UBE2O: variants seen among roughly 807,000 people sequenced by gnomAD.
The protein encoded by UBE2O is ubiquitin conjugating enzyme E2 O.
In UBE2O, 15 loss-of-function variants were observed where a neutral mutation model predicts 125.8. The observed-to-expected ratio is 0.12, with a 90% confidence interval of 0.08 to 0.18. UBE2O has a LOEUF of 0.18. Among genes scored for constraint, UBE2O ranks in the 10% least tolerant of loss-of-function variants. The pLI is 1.00. For missense variants in UBE2O, 1,280 were observed against 1,723.6 expected, an observed-to-expected ratio of 0.74 and a Z score of 4.56; for synonymous variants, 708 against 703.2, an observed-to-expected ratio of 1.01 and a Z score of -0.11.
chr17:76,421,799 C>T (rs1292575708), intron 1 of UBE2O, among the ~76,000 whole-genome samples: 2 of 152,210 alleles, frequency 1.3e-5, no homozygotes, highest in Admixed American at 6.5e-5. Flanking sequence ...GTAAATGCCA[C>T]GTGCTTCCCA....
chr17:76,426,791 G>A (rs2143829575), intron 1 of UBE2O, among the ~76,000 whole-genome samples: 1 of 152,250 alleles, frequency 6.6e-6, no homozygotes, highest in Non-Finnish European at 1.5e-5. Flanking sequence ...TTTCAGAAGC[G>A]AATGCTTATT....
At chr17:76,434,204 T>A (rs570964978) in intron 1 of UBE2O, among the ~76,000 whole-genome samples, 1 of 152,146 alleles carries the variant, frequency 6.6e-6, no homozygotes, top group African/African-American at 2.4e-5. Flanking sequence ...CCTTCCAGTC[T>A]TACCACTATA....
At position 76,402,779 on chromosome 17, in the gene UBE2O, C is replaced by CTGTCTTCGGTGGG; in HGVS notation, c.589-81_589-80insCCCACCGAAGACA. 1 of 1,209,288 alleles carries CTGTCTTCGGTGGG rather than the reference C, an allele frequency of 8.3e-7. No homozygotes were observed. The highest frequency in any genetic ancestry group is 1.2e-6 in the Non-Finnish European group (1 of 814,916). The allele number at this position is 1,209,288 out of a possible 1,614,324, so 74.9% of individuals were successfully genotyped here. On this transcript the variant is annotated intron_variant, in intron 3 of 17. Transcript: ENST00000319380. The surrounding 1 kb of genome is among the most constrained non-coding windows in gnomAD (Gnocchi z 5.4). ...GGGCACAGATTCCTCTATGCCCCAC[C>CTGTCTTCGGTGGG]GAAGACAGGATGGGGGAGGATCTAG... is the stretch of plus-strand genomic sequence containing the variant.
chr17:76,436,750 CCTT>C (rs1482118608), intron 1 of UBE2O, among the ~76,000 whole-genome samples: 2 of 152,170 alleles, frequency 1.3e-5, no homozygotes, highest in Non-Finnish European at 2.9e-5. Context: ...CTAGCACCCT[CCTT>C]CTGAACAAAA....
At position 76,400,374 on chromosome 17, in the gene UBE2O, T is replaced by C. The variant is rs1019883246; in HGVS notation, c.1004+67A>G. On this transcript the variant is annotated intron_variant, in intron 7 of 17. Transcript: ENST00000319380. The surrounding 1 kb of genome is among the most constrained non-coding windows in gnomAD (Gnocchi z 4.3). The stretch of plus-strand genomic sequence containing the variant: ...CAGTGTTCTTAAGCCTCCCCAGGCA[T>C]GTGACCAGGGCCCAGAGCCCTGTCC... 4 of 1,594,032 alleles carry C rather than the reference T, an allele frequency of 2.5e-6. No individual in the cohort carries two copies. Among genetic ancestry groups the C allele is most frequent in the East Asian group, 4.5e-5 (2 of 44,526 alleles).
At chr17:76,407,037 C>T (rs139605465) in intron 1 of UBE2O, among the ~76,000 whole-genome samples, 49 of 152,238 alleles carry the variant, frequency 3.2e-4, no homozygotes, top group African/African-American at 1.1e-3. Flanking sequence ...AGTCCTTAAA[C>T]GCAGGGTTCT....
rs2143651436 is a variant in UBE2O, at chr17:76,390,248, C to G, written c.*695G>C. On this transcript the variant is annotated 3_prime_UTR_variant, in exon 18 of 18. Transcript: ENST00000319380. ...GCTTTCCCTGCAGCTCCCTGGTCCTCAACTCCATGTGCATGTGTGAAGGCC... is the reference window on the plus strand; with the variant it reads ...GCTTTCCCTGCAGCTCCCTGGTCCTGAACTCCATGTGCATGTGTGAAGGCC... The G allele has an allele frequency of 6.5e-6, 1 of 153,060 alleles. No homozygotes were observed. The highest frequency in any genetic ancestry group is 2.1e-4 in the South Asian group (1 of 4,828). 9.5% of individuals were successfully genotyped at this position (153,060 alleles called of 1,614,324 possible). A position where few individuals can be genotyped will look rare whatever the true frequency, so the allele number is the denominator to read the frequency against.
chr17:76,391,030 A>G lies in UBE2O; in HGVS notation c.3792T>C (p.Gly1264=), dbSNP rs1598575755. 2 of 1,613,584 alleles carry G rather than the reference A, an allele frequency of 1.2e-6. No homozygotes were observed. The highest frequency in any genetic ancestry group is 1.3e-5 in the African/African-American group (1 of 74,956). The part of the protein sequence containing the change: ...IGFPLFPLSK[G]FIKSIRGVLT... ...GGACACCCCGGATGCTCTTGATGAA[A>G]CCCTTGGAAAGTGGGAAGAGGGGGA... The change falls in exon 18 of 18, where the codon GGT becomes GGC. Residue 1264 remains glycine (G), a synonymous_variant. Transcript: ENST00000319380. The surrounding 1 kb of genome is among the most constrained non-coding windows in gnomAD (Gnocchi z 8.4).
intron 1 of UBE2O, among the ~76,000 whole-genome samples, chr17:76,425,681 C>A (rs1183816037): frequency 2.6e-5 from 4 of 152,236 alleles, no homozygotes; most frequent in Admixed American, 2.0e-4. Flanking sequence ...ACAGAGCTCA[C>A]AGCTGAACCA....
At chr17:76,401,186 G>A (rs774174044) in intron 5 of UBE2O, 32 bp from the exon 6 acceptor site, 21 of 1,609,472 alleles carry the variant, frequency 1.3e-5, no homozygotes, top group African/African-American at 2.7e-5. Flanking sequence ...GAAAGTCCCC[G>A]TGAGCGGTGT....
At chr17:76,446,472 AAC>A (rs1243629277) in intron 1 of UBE2O, among the ~76,000 whole-genome samples, 31 of 152,154 alleles carry the variant, frequency 2.0e-4, no homozygotes, top group Admixed American at 9.8e-4. Flanking sequence ...CAAAAAAAAA[AAC>A]CAAACAAACA....
chr17:76,401,525 G>A (rs1337283003), intron 5 of UBE2O, among the ~76,000 whole-genome samples: 1 of 152,118 alleles, frequency 6.6e-6, no homozygotes, highest in Non-Finnish European at 1.5e-5. Context: ...ATCCTGTACT[G>A]AGAGAGACAA....
intron 1 of UBE2O, among the ~76,000 whole-genome samples, chr17:76,440,459 T>A (rs1029743488): frequency 6.6e-6 from 1 of 152,136 alleles, no homozygotes; most frequent in African/African-American, 2.4e-5. Flanking sequence ...TACTGAGTAG[T>A]TGGGACTACA....
intron 1 of UBE2O, among the ~76,000 whole-genome samples, chr17:76,427,839 C>T (rs2072837816): frequency 6.6e-6 from 1 of 152,216 alleles, no homozygotes; most frequent in Admixed American, 6.5e-5. Context: ...TTTCTTGCAT[C>T]CCTTTTACCT....
At chr17:76,426,067 A>T (rs987799305) in intron 1 of UBE2O, among the ~76,000 whole-genome samples, 1 of 152,180 alleles carries the variant, frequency 6.6e-6, no homozygotes, top group Admixed American at 6.5e-5. Flanking sequence ...TAGTGGTGTG[A>T]TCATGGTTCA....
Position 76,405,720 on chromosome 17 carries a change from C to T in UBE2O, c.418-148G>A. 2 of 725,942 alleles carry T rather than the reference C, an allele frequency of 2.8e-6. No individual in the cohort carries two copies. Among genetic ancestry groups the T allele is most frequent in the South Asian group, 3.5e-5 (2 of 57,606 alleles). The allele number at this position is 725,942 out of a possible 1,614,324, so 45.0% of individuals were successfully genotyped here. A position where few individuals can be genotyped will look rare whatever the true frequency, so the allele number is the denominator to read the frequency against. On this transcript the variant is annotated intron_variant, in intron 1 of 17. Coordinates refer to ENST00000319380, the MANE Select transcript of UBE2O (RefSeq NM_022066.4). The surrounding 1 kb of genome is among the most constrained non-coding windows in gnomAD (Gnocchi z 6.1). Reference sequence around the variant, plus strand: ...TGGCTAGCAGTATCTTCACAGACCGCACACACCTCCGACCAGCACCCAGAC... The same window carrying T: ...TGGCTAGCAGTATCTTCACAGACCGTACACACCTCCGACCAGCACCCAGAC...
chr17:76,401,271 C>G (rs1424172808), intron 5 of UBE2O, 117 bp from the exon 6 acceptor site: 1 of 1,224,190 alleles, frequency 8.2e-7, no homozygotes, highest in Non-Finnish European at 1.1e-6. Flanking sequence ...ACACACACGC[C>G]CCACACGCCC....
At position 76,396,000 on chromosome 17, in the gene UBE2O, A is replaced by T. The variant is rs2072201140; in HGVS notation, c.2809+128T>A. The T allele has an allele frequency of 6.7e-7, 1 of 1,499,002 alleles. No homozygotes were observed. The highest frequency in any genetic ancestry group is 2.3e-5 in the East Asian group (1 of 44,094). 92.9% of individuals were successfully genotyped at this position (1,499,002 alleles called of 1,614,324 possible). On this transcript the variant is annotated intron_variant, in intron 14 of 17. Coordinates refer to ENST00000319380, the MANE Select transcript of UBE2O (RefSeq NM_022066.4). This position sits in a 1 kb window ranked among gnomAD's most constrained non-coding sequence, Gnocchi z 5.0. ...CTCAGCACTGTGACCACACAGGGAA[A>T]TGGTTTGCCCTGGGGCAGTAGCTGG...
At chr17:76,392,735 T>C (rs538224945) in intron 15 of UBE2O, among the ~76,000 whole-genome samples, 3 of 152,072 alleles carry the variant, frequency 2.0e-5, no homozygotes, top group Non-Finnish European at 4.4e-5. Context: ...GGTGGATCAC[T>C]TAAGGTCAGG....
Sources: allele counts gnomAD v4.1 joint callset (sites outside exome capture counted in the v4.1 genomes callset), GRCh38; gene constraint gnomAD v4.1.1; non-coding constraint Gnocchi (gnomAD v3.1); transcripts MANE v1.5; gene names NCBI Gene and HGNC (gene_info 2026-07-23, HGNC 2026-07-21).